ANXA3: variants seen among roughly 807,000 people sequenced by gnomAD.
The protein encoded by ANXA3 is 35-alpha calcimedin.
In ANXA3, 46 loss-of-function variants were observed where a neutral mutation model predicts 48.8. The observed-to-expected ratio is 0.94, with a 90% CI of 0.74 to 1.21. The LOEUF (loss-of-function observed/expected upper bound fraction) is 1.21. ANXA3 is among the 50% of genes most tolerant of loss of function. The pLI is 0.00. For synonymous variants in ANXA3, 128 were observed against 134.7 expected, an observed-to-expected ratio of 0.95 and a Z score of 0.35; for missense variants, 383 against 378.6, an observed-to-expected ratio of 1.01 and a Z score of -0.10.
intron 1 of ANXA3, chr4:78,552,363 C>G (rs563773301): frequency 1.3e-5 from 2 of 152,366 alleles, no homozygotes; most frequent in African/African-American, 4.8e-5. Context: ...TCTTCTCCCC[C>G]TCACATAGGC....
At chr4:78,593,147 A>ACACACACC (rs1378145866) in intron 7 of ANXA3, among the ~76,000 whole-genome samples, 1 of 145,818 alleles carries the variant, frequency 6.9e-6, no homozygotes, top group Non-Finnish European at 1.5e-5. Flanking sequence ...ACACACACAC[A>ACACACACC]CACACCACTT....
intron 9 of ANXA3, 99 bp from the exon 10 acceptor site, chr4:78,597,220 C>T (rs1723439490): frequency 1.4e-6 from 1 of 740,496 alleles, no homozygotes; most frequent in Non-Finnish European, 2.2e-6. Context: ...AGTTTTTTAG[C>T]TTGCTACTTG....
chr4:78,563,343 A>G (rs574927650), intron 2 of ANXA3, among the ~76,000 whole-genome samples: 4 of 152,254 alleles, frequency 2.6e-5, no homozygotes, highest in South Asian at 4.1e-4. Context: ...AGTGTCCCCA[A>G]ATCCTGCAAA....
At chr4:78,576,673 T>C (rs1227386567) in intron 3 of ANXA3, among the ~76,000 whole-genome samples, 1 of 152,212 alleles carries the variant, frequency 6.6e-6, no homozygotes, top group Non-Finnish European at 1.5e-5. Flanking sequence ...TCACCTCTTT[T>C]TAAACATTAT....
chr4:78,580,864 G>A (rs1723056636), intron 4 of ANXA3, among the ~76,000 whole-genome samples: 1 of 152,216 alleles, frequency 6.6e-6, no homozygotes, highest in Non-Finnish European at 1.5e-5. Context: ...AACATTTGTT[G>A]AATTGAGTGA....
chr4:78,594,534 C>G (rs1723372788), intron 7 of ANXA3, among the ~76,000 whole-genome samples: 1 of 152,224 alleles, frequency 6.6e-6, no homozygotes, highest in South Asian at 2.1e-4. Flanking sequence ...GCTCCACATT[C>G]TCACCAGTAT....
At chr4:78,608,711 T>G (rs1723699983) in intron 12 of ANXA3, among the ~76,000 whole-genome samples, 1 of 151,998 alleles carries the variant, frequency 6.6e-6, no homozygotes, top group Admixed American at 6.6e-5. Context: ...GAGGATCAGG[T>G]TTTAGGTTGT....
In ANXA3 at chr4:78,607,863, C is replaced by T. The variant is rs150823874; in HGVS notation, c.913-2193C>T. Among the ~76,000 whole-genome samples the T allele has an allele frequency of 2.4e-3, 358 of 152,200 alleles. 1 individual carries two copies. Among genetic ancestry groups the T allele is most frequent in the Non-Finnish European group, 3.8e-3 (259 of 68,010 alleles). On this transcript the variant is annotated intron_variant, in intron 12 of 12. Coordinates refer to ENST00000264908, the MANE Select transcript of ANXA3 (RefSeq NM_005139.3). ...CTGTGGGCCAGGTGCTCTGCTGGAG[C>T]ATTTACCTTTAAGACCCCAGATCAA...
At chr4:78,581,673 T>TA (rs1723072736) in intron 4 of ANXA3, among the ~76,000 whole-genome samples, 1 of 152,222 alleles carries the variant, frequency 6.6e-6, no homozygotes, top group Non-Finnish European at 1.5e-5. Context: ...TTCTTTTCTT[T>TA]ACTTGTTGCC....
chr4:78,584,848 G>A (rs1723140829), intron 5 of ANXA3, among the ~76,000 whole-genome samples: 2 of 152,360 alleles, frequency 1.3e-5, no homozygotes, highest in South Asian at 4.1e-4. Flanking sequence ...CCTTCAGACT[G>A]CAGTGGTGGC....
At chr4:78,559,493 A>T (rs1462739399) in intron 2 of ANXA3, among the ~76,000 whole-genome samples, 1 of 152,228 alleles carries the variant, frequency 6.6e-6, no homozygotes, top group Non-Finnish European at 1.5e-5. Flanking sequence ...TCTAATTTAC[A>T]AAATGAGGAA....
At chr4:78,559,472 C>T (rs1722583802) in intron 2 of ANXA3, among the ~76,000 whole-genome samples, 1 of 152,112 alleles carries the variant, frequency 6.6e-6, no homozygotes, top group South Asian at 2.1e-4. Flanking sequence ...TCTCCTTTCA[C>T]CACTCCAAAC....
chr4:78,577,908 C>T (rs1381998388), intron 3 of ANXA3, among the ~76,000 whole-genome samples: 2 of 152,240 alleles, frequency 1.3e-5, no homozygotes, highest in Non-Finnish European at 2.9e-5. Context: ...TGAGGTCATT[C>T]TTAGGCAGGC....
intron 9 of ANXA3, 139 bp downstream of exon 9, chr4:78,596,026 G>T: frequency 1.6e-6 from 1 of 608,830 alleles, no homozygotes. Flanking sequence ...GAAACAAAAT[G>T]GGAAAGCTGT....
chr4:78,561,140 C>T (rs886183163), intron 2 of ANXA3, among the ~76,000 whole-genome samples: 8 of 151,968 alleles, frequency 5.3e-5, no homozygotes, highest in Non-Finnish European at 7.4e-5. Context: ...AAGGGATCCG[C>T]GGTGGTAGAA....
intron 7 of ANXA3, among the ~76,000 whole-genome samples, chr4:78,595,141 A>AATATATAT (rs145060219): frequency 2.4e-4 from 36 of 151,370 alleles, no homozygotes; most frequent in African/African-American, 8.5e-4. Context: ...CCTGTCTCTA[A>AATATATAT]ATATATATAT....
intron 10 of ANXA3, 66 bp downstream of exon 10, chr4:78,597,480 C>A: frequency 9.1e-7 from 1 of 1,094,012 alleles, no homozygotes; most frequent in Non-Finnish European, 1.4e-6. Flanking sequence ...CCGAGGCCTG[C>A]TCCTTTTGGG....
intron 4 of ANXA3, 75 bp from the exon 5 acceptor site, chr4:78,582,102 C>A: frequency 1.1e-6 from 1 of 869,744 alleles, no homozygotes; most frequent in South Asian, 1.5e-5. Context: ...TACATATGTT[C>A]ATCTTTCACT....
intron 1 of ANXA3, 60 bp from the exon 2 acceptor site, chr4:78,554,376 A>C (rs1396772855): frequency 3.4e-6 from 4 of 1,180,864 alleles, no homozygotes; most frequent in Admixed American, 1.7e-5. Flanking sequence ...GGGTTGGACT[A>C]AGATTATTGT....
Sources: allele counts gnomAD v4.1 joint callset (sites outside exome capture counted in the v4.1 genomes callset), GRCh38; gene constraint gnomAD v4.1.1; transcripts MANE v1.5; gene names NCBI Gene and HGNC (gene_info 2026-07-23, HGNC 2026-07-21).